VBP1: variants seen among roughly 807,000 people sequenced by gnomAD.
The protein encoded by VBP1 is VHL binding protein 1, also known as prefoldin subunit 3.
Under a neutral mutation model 15.5 loss-of-function variants are expected in VBP1, and 4 were observed. That is an observed-to-expected ratio of 0.26 (90% CI 0.13 to 0.59). The LOEUF (loss-of-function observed/expected upper bound fraction) is 0.59, where lower values mean the gene tolerates loss of function less well. Among genes scored for constraint, VBP1 ranks in the 20% least tolerant of loss-of-function variants. The probability of loss-of-function intolerance (pLI) is 0.90; values close to 1 mark genes in which losing one functional copy is unlikely to be tolerated. For synonymous variants in VBP1, 61 were observed against 52.1 expected, an observed-to-expected ratio of 1.17 and a Z score of -0.74; for missense variants, 108 against 139.6, an observed-to-expected ratio of 0.77 and a Z score of 1.14.
At chrX:155,216,029 C>A (rs1201832997), upstream of VBP1, among the ~76,000 whole-genome samples, 1 of 110,790 alleles carries the variant, frequency 9.0e-6, no homozygotes, top group Non-Finnish European at 1.9e-5. Context: ...GATGGTGAGA[C>A]CAGAAAGGCA....
chrX:155,208,307 C>A (rs1237900964), intron 1 of VBP1, among the ~76,000 whole-genome samples: 1 of 112,330 alleles, frequency 8.9e-6, no homozygotes, highest in Non-Finnish European at 1.9e-5. Flanking sequence ...GTAAAACAAA[C>A]TAAAGAGATG....
intron 1 of VBP1, among the ~76,000 whole-genome samples, chrX:155,202,930 C>G (rs1357092866): frequency 1.8e-5 from 2 of 111,703 alleles, no homozygotes; most frequent in African/African-American, 6.5e-5. Flanking sequence ...CAAACAACCC[C>G]ATCAAAAAGT....
chrX:155,229,944 C>G (rs994233696), intron 4 of VBP1, among the ~76,000 whole-genome samples: 1 of 111,955 alleles, frequency 8.9e-6, no homozygotes, highest in African/African-American at 3.3e-5. Context: ...CTCTCACTTC[C>G]TTACTGCTGT....
chrX:155,202,912 T>TA (rs1457947981), intron 1 of VBP1, among the ~76,000 whole-genome samples: 2 of 110,379 alleles, frequency 1.8e-5, no homozygotes, highest in African/African-American at 6.6e-5. Flanking sequence ...AAATTTACAA[T>TA]AAAAAATCAA....
At chrX:155,197,791 C>A (rs1276873704) in intron 1 of VBP1, among the ~76,000 whole-genome samples, 8 of 112,200 alleles carry the variant, frequency 7.1e-5, no homozygotes, top group African/African-American at 2.6e-4. Flanking sequence ...GTGCGCAAGC[C>A]GAAGCAGGGC....
At chrX:155,238,691 TGTGTGA>T in intron 5 of VBP1, 75 bp from the exon 6 acceptor site, 1 of 744,045 alleles carries the variant, frequency 1.3e-6, no homozygotes, top group Non-Finnish European at 2.0e-6. Context: ...TTTGATTCAT[TGTGTGA>T]GTGGAGTGAA....
rs782311081 is a variant in VBP1 at position 155,236,214 on chromosome X, A to T, written c.385-15A>T. 8.3e-7 allele frequency: 1 copy of T among 1,201,970 alleles called. No individual in the cohort carries two copies. Among genetic ancestry groups the T allele is most frequent in the African/African-American group, 1.8e-5 (1 of 56,842 alleles). Reference sequence around the variant, plus strand: ...GTGTAAATATTGAGTAATTGTCATGACTTTCTCTCTTCAGGCTAATGTAAT... The same window carrying T: ...GTGTAAATATTGAGTAATTGTCATGTCTTTCTCTCTTCAGGCTAATGTAAT... On this transcript the variant is annotated splice_polypyrimidine_tract_variant and intron_variant, in intron 4 of 5. Transcript: ENST00000286428.
At chrX:155,214,768 C>CTTTTTTTTTTTTTTT (rs782556765), upstream of VBP1, among the ~76,000 whole-genome samples, 3,146 of 82,362 alleles carry the variant, frequency 0.038, 101 homozygotes, top group Admixed American at 0.064. Flanking sequence ...TTTTCTTTTC[C>CTTTTTTTTTTTTTTT]TTTTTTTTTT....
In VBP1 at chrX:155,228,500, C is replaced by T. The variant is rs1557310501; in HGVS notation, c.384+18C>T. 1 of 1,138,414 alleles carries T rather than the reference C, an allele frequency of 8.8e-7. No homozygotes were observed. Among genetic ancestry groups the T allele is most frequent in the South Asian group, 1.9e-5 (1 of 52,705 alleles). The allele number at this position is 1,138,414 out of a possible 1,213,427, so 93.8% of individuals were successfully genotyped here. A position where few individuals can be genotyped will look rare whatever the true frequency, so the allele number is the denominator to read the frequency against. ...GGTTGGGGGTAAGTAAATGTTATAG[C>T]CACAGCTGATATATTTGTAAACCAG... On this transcript the variant is annotated intron_variant, in intron 4 of 5. Transcript: ENST00000286428.
chrX:155,227,243 G>A lies in VBP1; in HGVS notation c.227G>A (p.Gly76Asp). The A allele has an allele frequency of 8.4e-7, 1 of 1,183,658 alleles. No individual in the cohort carries two copies. The highest frequency in any genetic ancestry group is 3.1e-5 in the East Asian group (1 of 32,323). ...NLAQKKRRLK[G>D]QIPEIKQTLE... The stretch of plus-strand genomic sequence containing the variant: ...CTTTTTCTTGTTCACAGGCTAAAAG[G>A]TCAGATTCCTGAAATTAAACAGACT... The change falls in exon 3 of 6, where the codon GGT becomes GAT. Residue 76 changes from glycine (G) to aspartate (D), a missense_variant. Physicochemically the swap from Gly to Asp is moderately conservative, Grantham distance 94. Transcript: ENST00000286428.
intron 4 of VBP1, among the ~76,000 whole-genome samples, chrX:155,233,529 C>G (rs2074756858): frequency 8.9e-6 from 1 of 112,402 alleles, no homozygotes; most frequent in African/African-American, 3.2e-5. Flanking sequence ...AAGGTCAGCT[C>G]TGACAAATGA....
At chrX:155,216,948 G>A (rs1557309096) in intron 1 of VBP1, among the ~76,000 whole-genome samples, 1 of 112,321 alleles carries the variant, frequency 8.9e-6, no homozygotes, top group Non-Finnish European at 1.9e-5. Flanking sequence ...GGATGCTGGA[G>A]ACACAGTACA....
chrX:155,225,113 A>G (rs888831102), intron 2 of VBP1, among the ~76,000 whole-genome samples: 3 of 111,567 alleles, frequency 2.7e-5, no homozygotes, highest in Admixed American at 1.9e-4. Flanking sequence ...TGTTGAATTT[A>G]TTGTCTTTAT....
At chrX:155,210,328 C>G (rs1050877193) in intron 2 of VBP1, among the ~76,000 whole-genome samples, 2 of 111,546 alleles carry the variant, frequency 1.8e-5, no homozygotes, top group African/African-American at 6.5e-5. Context: ...GTGGCATGCA[C>G]CCATACTCCT....
intron 2 of VBP1, among the ~76,000 whole-genome samples, chrX:155,210,379 A>T (rs1467665063): frequency 8.9e-6 from 1 of 111,872 alleles, no homozygotes; most frequent in Non-Finnish European, 1.9e-5. Context: ...GCTTGAGCCC[A>T]GGAGTTTGAG....
At chrX:155,197,160 A>C (rs981116261) in intron 1 of VBP1, 1 of 111,894 alleles carries the variant, frequency 8.9e-6, no homozygotes, top group African/African-American at 3.2e-5. Flanking sequence ...TATGGTTGAA[A>C]TTTTTATTTA....
upstream of VBP1, chrX:155,216,253 T>G: frequency 1.5e-6 from 1 of 648,032 alleles, no homozygotes; most frequent in Non-Finnish European, 2.2e-6. Context: ...TCGCTCCAGC[T>G]TCTCTTTCGC....
At chrX:155,197,825 T>A (rs948582457) in intron 1 of VBP1, among the ~76,000 whole-genome samples, 1 of 112,377 alleles carries the variant, frequency 8.9e-6, no homozygotes, top group African/African-American at 3.2e-5. Context: ...ACTTGGGAAG[T>A]GCAAGGGGTC....
At chrX:155,216,641 C>G (rs2074665979) in intron 1 of VBP1, 66 bp downstream of exon 1, 5 of 1,150,305 alleles carry the variant, frequency 4.3e-6, no homozygotes, top group Non-Finnish European at 5.8e-6. Context: ...CTTCCCGGCT[C>G]CCACCCAGGC....
Sources: allele counts gnomAD v4.1 joint callset (sites outside exome capture counted in the v4.1 genomes callset), GRCh38; gene constraint gnomAD v4.1.1; transcripts MANE v1.5; gene names NCBI Gene and HGNC (gene_info 2026-07-23, HGNC 2026-07-21).